RBFOX1: variants seen among roughly 807,000 people sequenced by gnomAD.
The protein encoded by RBFOX1 is RNA binding protein fox-1 homolog 1.
Under a neutral mutation model 57.7 loss-of-function variants are expected in RBFOX1, and 8 were observed. That is an observed-to-expected ratio of 0.14 (90% confidence interval 0.08 to 0.25). RBFOX1 has a LOEUF of 0.25. Ranked by LOEUF, RBFOX1 falls within the 10% of genes least tolerant of loss-of-function variation. The pLI is 1.00. For synonymous variants in RBFOX1, 326 were observed against 222.4 expected, an observed-to-expected ratio of 1.47 and a Z score of -4.15; for missense variants, 611 against 548.5, an observed-to-expected ratio of 1.11 and a Z score of -1.14.
intron 4 of RBFOX1, among the ~76,000 whole-genome samples, chr16:7,334,434 C>G (rs1196456842): frequency 6.6e-6 from 1 of 152,020 alleles, no homozygotes; most frequent in Non-Finnish European, 1.5e-5. Context: ...CTACTGGAAA[C>G]GTGGGGTGAA....
intron 1 of RBFOX1, among the ~76,000 whole-genome samples, chr16:6,093,835 A>T (rs1412787073): frequency 1.3e-5 from 2 of 151,250 alleles, no homozygotes; most frequent in African/African-American, 4.9e-5. Flanking sequence ...GCCCAGGCTG[A>T]TCTCAAACTC....
chr16:7,111,530 A>C (rs2064771871), intron 4 of RBFOX1, among the ~76,000 whole-genome samples: 1 of 152,148 alleles, frequency 6.6e-6, no homozygotes, highest in Non-Finnish European at 1.5e-5. Context: ...GTGGTGAGAA[A>C]AGGAAAGAGA....
chr16:6,298,154 C>T (rs998916170), intron 1 of RBFOX1, among the ~76,000 whole-genome samples: 5 of 152,194 alleles, frequency 3.3e-5, no homozygotes, highest in Non-Finnish European at 5.9e-5. Flanking sequence ...AGCTGTCTGT[C>T]ATCATGCTCC....
At chr16:5,592,870 G>T (rs999489538) in intron 2 of RBFOX1, among the ~76,000 whole-genome samples, 1 of 152,102 alleles carries the variant, frequency 6.6e-6, no homozygotes, top group African/African-American at 2.4e-5. Context: ...AGGGTTCCGT[G>T]GGCCCTGGCA....
chr16:7,108,228 C>G (rs2063962692), intron 4 of RBFOX1, among the ~76,000 whole-genome samples: 1 of 152,130 alleles, frequency 6.6e-6, no homozygotes, highest in South Asian at 2.1e-4. Context: ...GCTCTGGAAT[C>G]AGAAGCACTG....
At chr16:5,362,465 C>T (rs1191720857) in intron 1 of RBFOX1, among the ~76,000 whole-genome samples, 4 of 152,154 alleles carry the variant, frequency 2.6e-5, no homozygotes, top group Admixed American at 1.3e-4. Flanking sequence ...TGGGTTCAAG[C>T]GATTCTCCTG....
At chr16:5,971,560 T>TA (rs771963224) in intron 4 of RBFOX1, among the ~76,000 whole-genome samples, 8 of 152,242 alleles carry the variant, frequency 5.3e-5, no homozygotes, top group Non-Finnish European at 1.2e-4. Context: ...CATCATAAGT[T>TA]AAAATCCTGC....
intron 3 of RBFOX1, among the ~76,000 whole-genome samples, chr16:5,688,451 T>C (rs2050569910): frequency 6.6e-6 from 1 of 152,252 alleles, no homozygotes; most frequent in Admixed American, 6.5e-5. Flanking sequence ...CAAGAATTCC[T>C]GAGTGCATTT....
At chr16:7,344,969 A>C (rs1168420958) in intron 4 of RBFOX1, among the ~76,000 whole-genome samples, 1 of 151,538 alleles carries the variant, frequency 6.6e-6, no homozygotes, top group South Asian at 2.1e-4. Flanking sequence ...GGCTGTCAGG[A>C]GGCCTTGTTC....
At chr16:7,062,853 T>C (rs2054820857) in intron 4 of RBFOX1, among the ~76,000 whole-genome samples, 1 of 146,570 alleles carries the variant, frequency 6.8e-6, no homozygotes, top group Non-Finnish European at 1.5e-5. Flanking sequence ...TATCCATCTA[T>C]CCGTCCCTTA....
chr16:6,798,005 G>A (rs1046486979), intron 3 of RBFOX1, among the ~76,000 whole-genome samples: 1 of 151,860 alleles, frequency 6.6e-6, no homozygotes, highest in Non-Finnish European at 1.5e-5. Context: ...TGGGAATAGG[G>A]ATGATGATGA....
rs544226444 is a variant in RBFOX1 at position 7,024,533 on chromosome 16, A to G, written c.-15-27524A>G. ...GCCCTTGTGCAAAAATTCTTTGTAG[A>G]TGTTAGGAGATACTTCCTCATTGTG... On this transcript the variant is annotated intron_variant, in intron 3 of 15. Transcript: ENST00000550418. 2.2e-3 allele frequency among the ~76,000 whole-genome samples: 334 copies of G among 152,242 alleles called. 4 individuals are homozygous for G. Among genetic ancestry groups the G allele is most frequent in the Middle Eastern group, 0.014 (4 of 294 alleles).
intron 4 of RBFOX1, among the ~76,000 whole-genome samples, chr16:7,398,896 A>G (rs936893917): frequency 1.3e-5 from 2 of 152,196 alleles, no homozygotes; most frequent in South Asian, 4.1e-4. Context: ...TCATACGGCT[A>G]CTGTAACAAA....
chr16:7,526,768 C>T (rs1458619585), intron 5 of RBFOX1, among the ~76,000 whole-genome samples: 1 of 152,206 alleles, frequency 6.6e-6, no homozygotes, highest in South Asian at 2.1e-4. Flanking sequence ...TCTTGGCCCT[C>T]CCCACCACGT....
At chr16:6,613,388 A>G (rs997586592) in intron 2 of RBFOX1, among the ~76,000 whole-genome samples, 8 of 152,112 alleles carry the variant, frequency 5.3e-5, no homozygotes, top group African/African-American at 1.9e-4. Flanking sequence ...GAGAATGCCT[A>G]GGACAAAGCG....
intron 3 of RBFOX1, among the ~76,000 whole-genome samples, chr16:6,989,162 C>G (rs1355706641): frequency 6.6e-6 from 1 of 152,188 alleles, no homozygotes; most frequent in Non-Finnish European, 1.5e-5. Context: ...TTCCATAGTG[C>G]TGGGATTTCA....
chr16:6,575,971 T>C (rs1024703245), intron 2 of RBFOX1, among the ~76,000 whole-genome samples: 5 of 152,052 alleles, frequency 3.3e-5, no homozygotes, highest in Non-Finnish European at 7.4e-5. Flanking sequence ...GCATGGTGCG[T>C]TACATCAAAA....
At chr16:5,977,092 T>TGGCAA (rs2060079063) in intron 4 of RBFOX1, among the ~76,000 whole-genome samples, 1 of 152,136 alleles carries the variant, frequency 6.6e-6, no homozygotes, top group African/African-American at 2.4e-5. Flanking sequence ...ATCTGCATGG[T>TGGCAA]GGCAAGTCTT....
At chr16:5,639,710 G>A (rs571624589) in intron 3 of RBFOX1, among the ~76,000 whole-genome samples, 117 of 152,336 alleles carry the variant, frequency 7.7e-4, no homozygotes, top group African/African-American at 2.7e-3. Context: ...AGGTGGCTGA[G>A]GTGGGAGGCT....
Sources: gnomAD v4.1 joint callset for allele counts (sites outside exome capture counted in the v4.1 genomes callset) on GRCh38, gnomAD v4.1.1 for gene constraint, MANE v1.5 for transcripts, NCBI Gene and HGNC (gene_info 2026-07-23, HGNC 2026-07-21) for gene names.